The following RNF130 variants were observed in gnomAD, a reference collection of about 807,000 sequenced individuals.
The protein encoded by RNF130 is E3 ubiquitin-protein ligase RNF130.
Under a neutral mutation model 44.6 loss-of-function variants are expected in RNF130, and 21 were observed. The ratio of observed to expected loss-of-function variants is 0.47; its 90% CI spans 0.33 to 0.68. The LOEUF (loss-of-function observed/expected upper bound fraction) is 0.68, where lower values mean the gene tolerates loss of function less well. Among genes scored for constraint, RNF130 ranks in the 30% least tolerant of loss-of-function variants. The probability of loss-of-function intolerance (pLI) is 0.02; values close to 1 mark genes in which losing one functional copy is unlikely to be tolerated. For synonymous variants in RNF130, 214 were observed against 210.4 expected, an observed-to-expected ratio of 1.02 and a Z score of -0.15; for missense variants, 479 against 560.6, an observed-to-expected ratio of 0.85 and a Z score of 1.47.
chr5:180,000,448 T>C (rs1200222552), intron 3 of RNF130, among the ~76,000 whole-genome samples: 1 of 152,202 alleles, frequency 6.6e-6, no homozygotes, highest in African/African-American at 2.4e-5. Context: ...CTCCGTAGAC[T>C]TGGGAAGTTT....
At chr5:179,961,280 G>C (rs1256587465) in intron 8 of RNF130, among the ~76,000 whole-genome samples, 1 of 152,164 alleles carries the variant, frequency 6.6e-6, no homozygotes, top group Non-Finnish European at 1.5e-5. Flanking sequence ...CTCTAAATGG[G>C]ATCATGAATA....
At chr5:179,931,032 C>CAAAAAAAAAAAAAA (rs34266288) in intron 7 of RNF130, among the ~76,000 whole-genome samples, 1 of 74,302 alleles carries the variant, frequency 1.3e-5, no homozygotes, top group Non-Finnish European at 2.6e-5. Context: ...ACCTCTGTCT[C>CAAAAAAAAAAAAAA]AAAAAAAAAA....
intron 3 of RNF130, among the ~76,000 whole-genome samples, chr5:180,001,297 G>A: frequency 6.6e-6 from 1 of 152,176 alleles, no homozygotes; most frequent in East Asian, 1.9e-4. Context: ...TGTGAGGTCT[G>A]ATGTTACCCA....
chr5:179,970,399 A>G lies in RNF130; in HGVS notation c.945+11T>C. On this transcript the variant is annotated intron_variant, in intron 6 of 8. Transcript: ENST00000521389. ...ATACAAAAGTGGTAACAAATAAAAT[A>G]GGAAACGTACCACAATTCCCAGGGC... is the stretch of plus-strand genomic sequence containing the variant. 6.3e-7 allele frequency: 1 copy of G among 1,590,614 alleles called. No individual in the cohort carries two copies. Among genetic ancestry groups the G allele is most frequent in the South Asian group, 1.1e-5 (1 of 89,082 alleles).
At chr5:179,920,202 GA>G in exon 8 of RNF130, 1 of 604,594 alleles carries the variant, frequency 1.7e-6, no homozygotes, top group Non-Finnish European at 3.0e-6. Flanking sequence ...CCTGTGCTTG[GA>G]AAGTGCTGCC....
intron 7 of RNF130, among the ~76,000 whole-genome samples, chr5:179,928,721 T>G (rs1057448427): frequency 4.6e-5 from 7 of 151,344 alleles, no homozygotes; most frequent in African/African-American, 1.7e-4. Flanking sequence ...CCCCGCCTCC[T>G]GGGTTCATGC....
chr5:180,010,244 CAAAAAA>C (rs71001067), intron 3 of RNF130, among the ~76,000 whole-genome samples: 15 of 41,094 alleles, frequency 3.7e-4, no homozygotes, highest in Admixed American at 1.2e-3. Context: ...GACTACATCT[CAAAAAA>C]AAAAAAAAAA....
chr5:180,020,994 T>C (rs1333769288), intron 2 of RNF130, among the ~76,000 whole-genome samples: 1 of 152,164 alleles, frequency 6.6e-6, no homozygotes, highest in African/African-American at 2.4e-5. Flanking sequence ...AATTTTTTTT[T>C]TCTTTTGAGA....
intron 3 of RNF130, among the ~76,000 whole-genome samples, chr5:179,990,252 T>A (rs1338464617): frequency 6.6e-6 from 1 of 152,202 alleles, no homozygotes; most frequent in Non-Finnish European, 1.5e-5. Flanking sequence ...CAGTGACTGA[T>A]AAGGTCACGT....
intron 2 of RNF130, among the ~76,000 whole-genome samples, chr5:180,030,922 A>AT (rs1764118014): frequency 6.6e-6 from 1 of 152,002 alleles, no homozygotes; most frequent in Admixed American, 6.5e-5. Flanking sequence ...TTACAGGCAA[A>AT]TTTTCTTCCT....
At chr5:179,984,664 A>T (rs1297994505) in intron 3 of RNF130, among the ~76,000 whole-genome samples, 2 of 152,148 alleles carry the variant, frequency 1.3e-5, no homozygotes, top group Non-Finnish European at 2.9e-5. Flanking sequence ...GAATTTGTGC[A>T]TCTATGTTCA....
intron 1 of RNF130, among the ~76,000 whole-genome samples, chr5:180,052,322 G>A (rs957360343): frequency 1.3e-5 from 2 of 152,106 alleles, no homozygotes; most frequent in Non-Finnish European, 2.9e-5. Flanking sequence ...CACATGTGAC[G>A]TCTTTCCAGT....
chr5:180,032,123 G>A (rs886147455), intron 2 of RNF130, among the ~76,000 whole-genome samples: 1 of 152,152 alleles, frequency 6.6e-6, no homozygotes, highest in Non-Finnish European at 1.5e-5. Context: ...TCAGATGTAT[G>A]ATTGAAAAAT....
At chr5:180,058,000 T>A (rs10051632) in intron 1 of RNF130, among the ~76,000 whole-genome samples, 1 of 152,032 alleles carries the variant, frequency 6.6e-6, no homozygotes, top group South Asian at 2.1e-4. Flanking sequence ...AGTGTCAGAA[T>A]TGAATTAAAC....
intron 7 of RNF130, among the ~76,000 whole-genome samples, chr5:179,938,184 C>T (rs1284113592): frequency 2.6e-5 from 4 of 152,074 alleles, no homozygotes; most frequent in Admixed American, 6.6e-5. Flanking sequence ...TCTTGAACTC[C>T]TGTGCTCAAG....
chr5:180,059,052 C>A (rs576857733), intron 1 of RNF130, among the ~76,000 whole-genome samples: 1 of 152,284 alleles, frequency 6.6e-6, no homozygotes, highest in East Asian at 1.9e-4. Context: ...TATATAAAGT[C>A]CAAAATCCTA....
At chr5:180,005,105 A>G (rs1203540444) in intron 3 of RNF130, among the ~76,000 whole-genome samples, 1 of 152,164 alleles carries the variant, frequency 6.6e-6, no homozygotes, top group Admixed American at 6.6e-5. Context: ...CGCACCAGAA[A>G]AGAATTGTAT....
chr5:179,968,437 G>T (rs1205289525), intron 6 of RNF130, among the ~76,000 whole-genome samples: 1 of 152,138 alleles, frequency 6.6e-6, no homozygotes, highest in African/African-American at 2.4e-5. Flanking sequence ...AGGCCGAGAA[G>T]GGCAGATCAC....
At chr5:179,927,538 G>A (rs556174494) in intron 7 of RNF130, among the ~76,000 whole-genome samples, 6 of 149,534 alleles carry the variant, frequency 4.0e-5, no homozygotes, top group Admixed American at 6.7e-5. Context: ...TCTCTCCCCC[G>A]CCAAAGGAAA....
Sources: gnomAD v4.1 joint callset for allele counts (sites outside exome capture counted in the v4.1 genomes callset) on GRCh38, gnomAD v4.1.1 for gene constraint, MANE v1.5 for transcripts, NCBI Gene and HGNC (gene_info 2026-07-23, HGNC 2026-07-21) for gene names.